NCALD: variants seen among roughly 807,000 people sequenced by gnomAD.
NCALD encodes the protein neurocalcin delta.
In NCALD, 10 loss-of-function variants were observed where a neutral mutation model predicts 18.6. The ratio of observed to expected loss-of-function variants is 0.54; its 90% CI spans 0.33 to 0.91. The LOEUF (loss-of-function observed/expected upper bound fraction) is 0.91, where lower values mean the gene tolerates loss of function less well. Among genes scored for constraint, NCALD ranks in the 40% least tolerant of loss-of-function variants. NCALD has a pLI of 0.03. For missense variants in NCALD, 184 were observed against 247.6 expected (o/e 0.74, Z 1.72); for synonymous variants, 88 against 87.4 (o/e 1.01, Z -0.04).
chr8:101,807,086 T>G (rs1813130663), intron 4 of NCALD, among the ~76,000 whole-genome samples: 1 of 151,776 alleles, frequency 6.6e-6, no homozygotes, highest in African/African-American at 2.4e-5. Context: ...AAGGCAAAAA[T>G]AAAGATATTA....
At chr8:101,792,688 C>A (rs1343268547), upstream of NCALD, among the ~76,000 whole-genome samples, 1 of 152,178 alleles carries the variant, frequency 6.6e-6, no homozygotes, top group East Asian at 1.9e-4. Context: ...ATGAGGGAAC[C>A]GGAAGAGGCA....
At chr8:101,866,547 TC>T (rs1815778227) in intron 4 of NCALD, among the ~76,000 whole-genome samples, 1 of 152,190 alleles carries the variant, frequency 6.6e-6, no homozygotes, top group African/African-American at 2.4e-5. Context: ...CCTTGATCTT[TC>T]CTTCAAACTC....
chr8:101,702,075 A>C (rs1815292240), intron 2 of NCALD, among the ~76,000 whole-genome samples: 1 of 152,154 alleles, frequency 6.6e-6, no homozygotes, highest in Non-Finnish European at 1.5e-5. Context: ...AGAGACAAGC[A>C]GGAGCCCCAC....
chr8:101,690,980 C>G (rs182035051), intron 3 of NCALD: 597 of 985,424 alleles, frequency 6.1e-4, no homozygotes, highest in Non-Finnish European at 6.9e-4. Flanking sequence ...AGAGTTGGCT[C>G]CTAGGAGAAC....
intron 4 of NCALD, among the ~76,000 whole-genome samples, chr8:101,824,010 C>T (rs1382711496): frequency 1.3e-5 from 2 of 152,158 alleles, no homozygotes; most frequent in African/African-American, 4.8e-5. Flanking sequence ...AATGCAAACG[C>T]TACAATTATC....
chr8:102,043,910 GA>G (rs1353657515), intron 1 of NCALD, among the ~76,000 whole-genome samples: 1 of 151,856 alleles, frequency 6.6e-6, no homozygotes, highest in Non-Finnish European at 1.5e-5. Flanking sequence ...AAGCCAGAAA[GA>G]AGATATCTTA....
chr8:101,934,677 GA>G (rs948959725), intron 2 of NCALD, among the ~76,000 whole-genome samples: 17 of 150,364 alleles, frequency 1.1e-4, no homozygotes, highest in African/African-American at 3.9e-4. Flanking sequence ...GATATGACAG[GA>G]AAAAAAAACA....
At chr8:101,867,885 T>A (rs917546483) in intron 4 of NCALD, among the ~76,000 whole-genome samples, 2 of 152,202 alleles carry the variant, frequency 1.3e-5, no homozygotes, top group Admixed American at 6.5e-5. Context: ...TGCCTAGGTA[T>A]GCTGTGCTCA....
intron 4 of NCALD, among the ~76,000 whole-genome samples, chr8:101,846,781 G>A (rs34629360): frequency 1.3e-5 from 2 of 152,146 alleles, no homozygotes; most frequent in African/African-American, 2.4e-5. Flanking sequence ...CAAACTGTCT[G>A]GGCTGAGGCT....
At chr8:101,938,740 T>C (rs1444415446) in intron 2 of NCALD, among the ~76,000 whole-genome samples, 1 of 152,142 alleles carries the variant, frequency 6.6e-6, no homozygotes, top group Non-Finnish European at 1.5e-5. Context: ...TAATTACCTA[T>C]GGTGTATCCT....
At chr8:101,749,717 A>T (rs959082356) in intron 1 of NCALD, among the ~76,000 whole-genome samples, 2 of 152,178 alleles carry the variant, frequency 1.3e-5, no homozygotes, top group African/African-American at 2.4e-5. Flanking sequence ...ACTTTTCAAG[A>T]GGCACTGATA....
At chr8:102,088,057 G>A (rs1305427775) in intron 1 of NCALD, among the ~76,000 whole-genome samples, 7 of 152,190 alleles carry the variant, frequency 4.6e-5, no homozygotes, top group African/African-American at 1.7e-4. Context: ...ATATGAATTT[G>A]TCTTTCTGTA....
intron 4 of NCALD, among the ~76,000 whole-genome samples, chr8:101,796,811 C>A (rs1812655181): frequency 6.6e-6 from 1 of 152,088 alleles, no homozygotes; most frequent in Admixed American, 6.5e-5. Context: ...ATATCTTGGG[C>A]CCCCAAAATC....
At chr8:102,005,978 A>G (rs1229898412) in intron 2 of NCALD, among the ~76,000 whole-genome samples, 2 of 151,914 alleles carry the variant, frequency 1.3e-5, no homozygotes, top group Non-Finnish European at 2.9e-5. Flanking sequence ...ATGTATATAT[A>G]TGTAACTAAC....
At chr8:101,989,111 C>G (rs1233754537) in intron 2 of NCALD, among the ~76,000 whole-genome samples, 1 of 152,130 alleles carries the variant, frequency 6.6e-6, no homozygotes, top group African/African-American at 2.4e-5. Context: ...TGGTGCTCTA[C>G]TGGGACTGAA....
At chr8:101,963,748 T>C (rs1190889453) in intron 2 of NCALD, among the ~76,000 whole-genome samples, 1 of 152,166 alleles carries the variant, frequency 6.6e-6, no homozygotes, top group Admixed American at 6.6e-5. Flanking sequence ...AACAAGCTAC[T>C]GTAAATTCAA....
chr8:101,895,432 C>T (rs1449525231), intron 3 of NCALD, among the ~76,000 whole-genome samples: 1 of 151,112 alleles, frequency 6.6e-6, no homozygotes, highest in African/African-American at 2.5e-5. Flanking sequence ...AAACTGGAAG[C>T]ATTCCCTTTG....
In NCALD at chr8:101,930,428, A is replaced by T. The variant is rs188086113; in HGVS notation, c.-156-14570T>A. 8.6e-5 allele frequency among the ~76,000 whole-genome samples: 13 copies of T among 152,016 alleles called. 1 individual carries two copies. The South Asian group carries it at 1.7e-3, about 19-fold the overall frequency. ...ATGATCTTAACCAATCATAGGCAAA[A>T]TCTCTTTATTTTGAAAATTTTATAA... On this transcript the variant is annotated intron_variant, in intron 2 of 6. Transcript: ENST00000311028.
intron 1 of NCALD, among the ~76,000 whole-genome samples, chr8:102,080,021 G>A (rs775663529): frequency 1.3e-5 from 2 of 152,166 alleles, no homozygotes; most frequent in Non-Finnish European, 2.9e-5. Flanking sequence ...CAGGGAAGAC[G>A]TGATTGCAAA....
Sources: gnomAD v4.1 joint callset for allele counts (sites outside exome capture counted in the v4.1 genomes callset) on GRCh38, gnomAD v4.1.1 for gene constraint, MANE v1.5 for transcripts, NCBI Gene and HGNC (gene_info 2026-07-23, HGNC 2026-07-21) for gene names.